The following MOB3B variants were observed in gnomAD, a reference collection of about 807,000 sequenced individuals.
MOB3B encodes the protein MOB kinase activator-like 2B.
MOB3B carries 7 observed loss-of-function variants against 18.7 expected under a neutral mutation model. The ratio of observed to expected loss-of-function variants is 0.37; its 90% CI spans 0.21 to 0.70. MOB3B has a LOEUF of 0.70. Ranked by LOEUF, MOB3B falls within the 30% of genes least tolerant of loss-of-function variation. The probability of loss-of-function intolerance (pLI) is 0.52; values close to 1 mark genes in which losing one functional copy is unlikely to be tolerated. For missense variants in MOB3B, 253 were observed against 281.3 expected (o/e 0.90, Z 0.72); for synonymous variants, 111 against 99.9 (o/e 1.11, Z -0.66).
At chr9:27,421,096 ATTT>A (rs141564631) in intron 2 of MOB3B, 2 of 146,228 alleles carry the variant, frequency 1.4e-5, no homozygotes, top group Non-Finnish European at 3.0e-5. Context: ...TCTCACCTCC[ATTT>A]TTTTTTTTCA....
At chr9:27,459,084 G>A (rs970547699) in intron 1 of MOB3B, among the ~76,000 whole-genome samples, 8 of 151,960 alleles carry the variant, frequency 5.3e-5, no homozygotes, top group African/African-American at 1.9e-4. Flanking sequence ...CTGAACGACA[G>A]AACAAAGAGG....
At chr9:27,439,874 G>A (rs552833158) in intron 2 of MOB3B, among the ~76,000 whole-genome samples, 13 of 152,178 alleles carry the variant, frequency 8.5e-5, no homozygotes, top group South Asian at 2.1e-4. Flanking sequence ...TAACCTCTCC[G>A]AGGCTCAGTT....
intron 2 of MOB3B, chr9:27,394,355 A>G (rs989899987): frequency 1.3e-5 from 2 of 152,174 alleles, no homozygotes; most frequent in Non-Finnish European, 2.9e-5. Flanking sequence ...CTAATAAAAC[A>G]TGTCAGGAAG....
intron 2 of MOB3B, among the ~76,000 whole-genome samples, chr9:27,389,062 C>T (rs1821689493): frequency 1.3e-5 from 2 of 152,164 alleles, no homozygotes; most frequent in South Asian, 2.1e-4. Context: ...CACTCTTGAC[C>T]TCCTTTGATG....
chr9:27,390,349 C>G (rs538046062), intron 2 of MOB3B, among the ~76,000 whole-genome samples: 39 of 152,256 alleles, frequency 2.6e-4, no homozygotes, highest in African/African-American at 8.4e-4. Flanking sequence ...GTTACAGGCA[C>G]CCGCCACAAC....
chr9:27,359,378 T>TGTG (rs1554645303), intron 2 of MOB3B, 142 bp from the exon 3 acceptor site: 98 of 278,744 alleles, frequency 3.5e-4, no homozygotes, highest in Admixed American at 4.3e-4. Context: ...TGTGTGTGTG[T>TGTG]GGGGGGGGGG....
At chr9:27,372,355 T>C (rs1362165179) in intron 2 of MOB3B, among the ~76,000 whole-genome samples, 1 of 152,160 alleles carries the variant, frequency 6.6e-6, no homozygotes, top group African/African-American at 2.4e-5. Flanking sequence ...TATAAATAAA[T>C]GGTTGGATAG....
chr9:27,332,359 G>T (rs901494044), intron 3 of MOB3B, among the ~76,000 whole-genome samples: 5 of 152,242 alleles, frequency 3.3e-5, no homozygotes, highest in Non-Finnish European at 7.3e-5. Flanking sequence ...ATGTGTGTGT[G>T]TGTTTGAGAG....
chr9:27,331,653 G>C (rs1587135734), intron 3 of MOB3B, among the ~76,000 whole-genome samples: 1 of 152,206 alleles, frequency 6.6e-6, no homozygotes, highest in East Asian at 1.9e-4. Context: ...ATGGTCTGAG[G>C]AGCAGGCTAG....
chr9:27,488,172 T>A (rs1819759497), intron 1 of MOB3B, among the ~76,000 whole-genome samples: 1 of 152,176 alleles, frequency 6.6e-6, no homozygotes, highest in Non-Finnish European at 1.5e-5. Flanking sequence ...TCCTATTATG[T>A]TGTATCCATG....
At chr9:27,523,768 C>T (rs1820379824) in intron 1 of MOB3B, among the ~76,000 whole-genome samples, 1 of 152,158 alleles carries the variant, frequency 6.6e-6, no homozygotes, top group Non-Finnish European at 1.5e-5. Flanking sequence ...AATATAGAAG[C>T]TTAATTTAAC....
chr9:27,326,884 G>A lies in MOB3B; in HGVS notation c.*3703C>T, dbSNP rs1207262803. 3.9e-6 allele frequency: 1 copy of A among 255,680 alleles called. No homozygotes were observed. The highest frequency in any genetic ancestry group is 2.2e-5 in the African/African-American group (1 of 45,176). 15.8% of individuals were successfully genotyped at this position (255,680 alleles called of 1,614,324 possible). On this transcript the variant is annotated 3_prime_UTR_variant, in exon 4 of 4. Coordinates refer to ENST00000262244, the MANE Select transcript of MOB3B (RefSeq NM_024761.5). ...CTGTTTATGTACTTGTGATCCTTTG[G>A]AGGGTCACAACTCACTGTACTATCT...
chr9:27,480,299 G>C (rs1587245616), intron 1 of MOB3B, among the ~76,000 whole-genome samples: 1 of 130,100 alleles, frequency 7.7e-6, no homozygotes, highest in Admixed American at 8.0e-5. Flanking sequence ...ACCATGCCCA[G>C]CTATTTTTTT....
At chr9:27,364,379 T>A (rs529234287) in intron 2 of MOB3B, among the ~76,000 whole-genome samples, 2 of 151,118 alleles carry the variant, frequency 1.3e-5, no homozygotes, top group South Asian at 4.2e-4. Context: ...TCTTGAGAGA[T>A]CCTTGGCTAA....
At chr9:27,387,327 C>A (rs1037928283) in intron 2 of MOB3B, among the ~76,000 whole-genome samples, 1 of 152,104 alleles carries the variant, frequency 6.6e-6, no homozygotes. Flanking sequence ...TTATACACAC[C>A]TGCCCCATAT....
In MOB3B at chr9:27,330,008, G is replaced by A; in HGVS notation, c.*579C>T. On this transcript the variant is annotated 3_prime_UTR_variant, in exon 4 of 4. Transcript: ENST00000262244. ...GCCTCGGCAGGGAGAGTAGGGAGGT[G>A]CAGGGGATGGGTAGGGGTTCAGGTG... 6.6e-6 allele frequency: 1 copy of A among 152,472 alleles called. No individual in the cohort carries two copies. Among genetic ancestry groups the A allele is most frequent in the Non-Finnish European group, 1.5e-5 (1 of 68,192 alleles). 9.4% of individuals were successfully genotyped at this position (152,472 alleles called of 1,614,324 possible).
At chr9:27,368,135 A>T (rs1196104554) in intron 2 of MOB3B, among the ~76,000 whole-genome samples, 1 of 152,174 alleles carries the variant, frequency 6.6e-6, no homozygotes, top group Non-Finnish European at 1.5e-5. Context: ...CTGAGAACAC[A>T]CCATTTCCAA....
At chr9:27,358,720 C>A in intron 3 of MOB3B, 1 of 483,662 alleles carries the variant, frequency 2.1e-6, no homozygotes, top group Admixed American at 2.6e-5. Context: ...ATCAAAGATG[C>A]CCATTTAAGG....
intron 1 of MOB3B, among the ~76,000 whole-genome samples, chr9:27,508,360 T>C (rs1304858362): frequency 6.6e-6 from 1 of 152,102 alleles, no homozygotes; most frequent in African/African-American, 2.4e-5. Context: ...TTCAGAGTCT[T>C]TTTCATCCAT....
Sources: allele counts gnomAD v4.1 joint callset (sites outside exome capture counted in the v4.1 genomes callset), GRCh38; gene constraint gnomAD v4.1.1; transcripts MANE v1.5; gene names NCBI Gene and HGNC (gene_info 2026-07-23, HGNC 2026-07-21).